GPC6: variants seen among roughly 807,000 people sequenced by gnomAD.
GPC6 encodes the protein glypican 6.
GPC6 carries 14 observed loss-of-function variants against 55.2 expected under a neutral mutation model. The ratio of observed to expected loss-of-function variants is 0.25; its 90% CI spans 0.17 to 0.40. The LOEUF is 0.40. GPC6 is among the 10% of genes least tolerant of loss of function. The pLI, the probability that GPC6 is intolerant of heterozygous loss-of-function variation, is 1.00. For synonymous variants in GPC6, 278 were observed against 259.6 expected (o/e 1.07, Z -0.68); for missense variants, 641 against 708.5 (o/e 0.90, Z 1.08).
intron 1 of GPC6, among the ~76,000 whole-genome samples, chr13:93,504,736 C>A (rs1211097508): frequency 6.6e-6 from 1 of 151,776 alleles, no homozygotes; most frequent in Non-Finnish European, 1.5e-5. Context: ...AAAATAATTA[C>A]CAATAATTAT....
At chr13:93,644,862 G>A (rs1271104758) in intron 2 of GPC6, among the ~76,000 whole-genome samples, 1 of 152,030 alleles carries the variant, frequency 6.6e-6, no homozygotes, top group East Asian at 1.9e-4. Flanking sequence ...CTGAAATTAA[G>A]GAGTCTGGTG....
At chr13:93,684,131 CA>C (rs1475018980) in intron 2 of GPC6, among the ~76,000 whole-genome samples, 1 of 152,108 alleles carries the variant, frequency 6.6e-6, no homozygotes, top group African/African-American at 2.4e-5. Flanking sequence ...CAAGCCATGA[CA>C]GATTTATTAC....
chr13:93,261,055 G>C (rs1238289582), intron 1 of GPC6, among the ~76,000 whole-genome samples: 1 of 152,076 alleles, frequency 6.6e-6, no homozygotes, highest in African/African-American at 2.4e-5. Flanking sequence ...TTTCCAAAAG[G>C]AAAGTAGTTT....
intron 1 of GPC6, among the ~76,000 whole-genome samples, chr13:93,309,610 G>A (rs1011339655): frequency 1.3e-5 from 2 of 152,080 alleles, no homozygotes; most frequent in African/African-American, 2.4e-5. Context: ...TATAAACATA[G>A]TCATACAGCA....
At chr13:94,105,536 T>C (rs1886022511) in intron 4 of GPC6, among the ~76,000 whole-genome samples, 1 of 152,180 alleles carries the variant, frequency 6.6e-6, no homozygotes, top group Admixed American at 6.5e-5. Context: ...AAATGTAAAT[T>C]TTTGTGTTAT....
At position 93,353,144 on chromosome 13, in the gene GPC6, C is replaced by T. The variant is rs1880691099; in HGVS notation, c.160+125528C>T. On this transcript the variant is annotated intron_variant, in intron 1 of 8. Transcript: ENST00000377047. ...GGATAAATGGAGGTGCTTTTTACTA[C>T]CAAAGAGGAAACTGAGGGGTTTCTT... Among the ~76,000 whole-genome samples, 5 of 151,984 alleles carry T rather than the reference C, an allele frequency of 3.3e-5. No individual in the cohort carries two copies. In the South Asian group the frequency reaches 1.0e-3, roughly 32 times the overall value.
At chr13:93,517,173 T>G (rs1350514799) in intron 1 of GPC6, among the ~76,000 whole-genome samples, 2 of 152,166 alleles carry the variant, frequency 1.3e-5, no homozygotes, top group African/African-American at 4.8e-5. Flanking sequence ...CTGATACTTT[T>G]CCTCTTGTAC....
chr13:94,219,575 C>T (rs922999940), intron 4 of GPC6, among the ~76,000 whole-genome samples: 10 of 152,102 alleles, frequency 6.6e-5, no homozygotes, highest in Non-Finnish European at 1.3e-4. Flanking sequence ...CAAGCCAGTG[C>T]TCATTACAGT....
intron 4 of GPC6, among the ~76,000 whole-genome samples, chr13:94,128,555 T>C (rs530316392): frequency 6.6e-6 from 1 of 152,244 alleles, no homozygotes; most frequent in East Asian, 1.9e-4. Flanking sequence ...ATTTTACCAG[T>C]CATTCTGACT....
intron 6 of GPC6, among the ~76,000 whole-genome samples, chr13:94,319,835 A>G (rs773800891): frequency 6.6e-6 from 1 of 152,078 alleles, no homozygotes; most frequent in Non-Finnish European, 1.5e-5. Context: ...TTTCGTCATA[A>G]TGTGTAGGTA....
chr13:93,404,830 CAACAAT>C (rs1876228519), intron 1 of GPC6, among the ~76,000 whole-genome samples: 2 of 96,066 alleles, frequency 2.1e-5, no homozygotes, highest in Admixed American at 2.2e-4. Flanking sequence ...ATTAGATTAA[CAACAAT>C]AACAGTTATG....
intron 3 of GPC6, among the ~76,000 whole-genome samples, chr13:93,921,235 C>T (rs1223920850): frequency 2.0e-5 from 3 of 152,110 alleles, no homozygotes; most frequent in Non-Finnish European, 4.4e-5. Flanking sequence ...GTGCGGGAGT[C>T]GGGCCAAGTG....
intron 1 of GPC6, among the ~76,000 whole-genome samples, chr13:93,428,860 A>C (rs1341809509): frequency 6.6e-6 from 1 of 152,180 alleles, no homozygotes; most frequent in Non-Finnish European, 1.5e-5. Context: ...TACAAAAACT[A>C]TTCACCCATT....
chr13:93,217,002 A>G, the GPC6 span, among the ~76,000 whole-genome samples: 3 of 152,186 alleles, frequency 2.0e-5, no homozygotes, highest in Non-Finnish European at 4.4e-5. Flanking sequence ...TGGTTAAGTA[A>G]TCCTTTAAGT....
chr13:94,364,738 A>AAGTG (rs1378565363), intron 6 of GPC6, among the ~76,000 whole-genome samples: 2 of 152,006 alleles, frequency 1.3e-5, no homozygotes. Context: ...GATACGAATC[A>AAGTG]AGTGTGTGTG....
chr13:94,270,604 C>T (rs1268479054), intron 4 of GPC6, among the ~76,000 whole-genome samples: 2 of 151,538 alleles, frequency 1.3e-5, no homozygotes, highest in African/African-American at 4.9e-5. Flanking sequence ...TCCTTGTCTT[C>T]TTTTTCCAAA....
At chr13:93,462,172 G>A (rs1878715129) in intron 1 of GPC6, among the ~76,000 whole-genome samples, 1 of 152,148 alleles carries the variant, frequency 6.6e-6, no homozygotes, top group Non-Finnish European at 1.5e-5. Context: ...GATTTATTAT[G>A]TCATATCTGT....
intron 2 of GPC6, among the ~76,000 whole-genome samples, 190 bp downstream of exon 2, chr13:93,545,611 G>A (rs574237529): frequency 2.7e-5 from 4 of 150,904 alleles, no homozygotes; most frequent in African/African-American, 9.7e-5. Flanking sequence ...TAATATCTTG[G>A]TAAAACCTGG....
intron 1 of GPC6, among the ~76,000 whole-genome samples, chr13:93,300,238 TA>T (rs1878628084): frequency 6.6e-6 from 1 of 152,246 alleles, no homozygotes; most frequent in Non-Finnish European, 1.5e-5. Flanking sequence ...CAGGTGTTTA[TA>T]TTTTAGCATT....
Sources: allele counts gnomAD v4.1 joint callset (sites outside exome capture counted in the v4.1 genomes callset), GRCh38; gene constraint gnomAD v4.1.1; transcripts MANE v1.5; gene names NCBI Gene and HGNC (gene_info 2026-07-23, HGNC 2026-07-21).